Variants in PDE4D observed in about 807,000 individuals in gnomAD.
PDE4D encodes the protein phosphodiesterase 4D.
In PDE4D, 24 loss-of-function variants were observed where a neutral mutation model predicts 87.4. That is an observed-to-expected ratio of 0.27 (90% CI 0.20 to 0.39). The LOEUF (loss-of-function observed/expected upper bound fraction) is 0.39. Ranked by LOEUF, PDE4D falls within the 10% of genes least tolerant of loss-of-function variation. The pLI, the probability that PDE4D is intolerant of heterozygous loss-of-function variation, is 1.00. For missense variants in PDE4D, 714 were observed against 1,041.0 expected, an observed-to-expected ratio of 0.69 and a Z score of 4.32; for synonymous variants, 384 against 383.2, an observed-to-expected ratio of 1.00 and a Z score of -0.02.
At chr5:59,952,783 C>G (rs188607278) in intron 3 of PDE4D, among the ~76,000 whole-genome samples, 2 of 152,308 alleles carry the variant, frequency 1.3e-5, no homozygotes, top group African/African-American at 2.4e-5. Flanking sequence ...ACTGAAGTCT[C>G]TAGCCCACAG....
chr5:59,133,815 C>T (rs997421), intron 5 of PDE4D, among the ~76,000 whole-genome samples: 16,646 of 152,150 alleles, frequency 0.11, 1,299 homozygotes, highest in East Asian at 0.28. Context: ...GACAAAGGCT[C>T]TGTATTCCCC....
At chr5:60,103,662 G>C (rs1456180407) in intron 2 of PDE4D, among the ~76,000 whole-genome samples, 2 of 152,048 alleles carry the variant, frequency 1.3e-5, no homozygotes, top group African/African-American at 4.8e-5. Context: ...AAAACAGATA[G>C]GCATAACAAA....
At chr5:60,121,729 G>A (rs1778702768) in intron 2 of PDE4D, among the ~76,000 whole-genome samples, 1 of 152,024 alleles carries the variant, frequency 6.6e-6, no homozygotes, top group Non-Finnish European at 1.5e-5. Flanking sequence ...ATTCCCCCCT[G>A]GGCCCTCCAA....
intron 1 of PDE4D, among the ~76,000 whole-genome samples, chr5:59,551,471 TCACA>T (rs34301317): frequency 9.4e-5 from 14 of 148,808 alleles, no homozygotes; most frequent in African/African-American, 3.0e-4. Context: ...GCTACTTCAG[TCACA>T]CACACACACA....
intron 1 of PDE4D, among the ~76,000 whole-genome samples, chr5:59,509,381 C>A (rs1809867492): frequency 6.7e-6 from 1 of 148,492 alleles, no homozygotes; most frequent in African/African-American, 2.5e-5. Context: ...ACTAGAGAAA[C>A]TTCTAAAAGA....
chr5:59,818,371 C>A (rs1433892112), intron 1 of PDE4D, among the ~76,000 whole-genome samples: 1 of 152,172 alleles, frequency 6.6e-6, no homozygotes, highest in Non-Finnish European at 1.5e-5. Flanking sequence ...TGCATGGACC[C>A]ATGCCTGAAA....
Position 60,093,128 on chromosome 5 carries a change from C to G in PDE4D, c.42+92429G>C, listed in dbSNP as rs1343546071. The stretch of plus-strand genomic sequence containing the variant: ...TGAGAAGGAGAGGTAGGTATGGAAT[C>G]TTTCTGAAGAAGCCTTGAAGTGATA... On this transcript the variant is annotated intron_variant, in intron 2 of 16. Transcript: ENST00000502484. 2.0e-5 allele frequency among the ~76,000 whole-genome samples: 3 copies of G among 152,212 alleles called. No homozygotes were observed. The East Asian group carries it at 5.8e-4, about 29-fold the overall frequency.
chr5:59,407,440 C>G (rs1408895058), intron 1 of PDE4D, among the ~76,000 whole-genome samples: 2 of 152,180 alleles, frequency 1.3e-5, no homozygotes, highest in African/African-American at 4.8e-5. Flanking sequence ...AATGCCACAA[C>G]AGCCTAATAT....
chr5:59,678,626 T>G (rs1748506691), intron 1 of PDE4D, among the ~76,000 whole-genome samples: 1 of 152,068 alleles, frequency 6.6e-6, no homozygotes, highest in Non-Finnish European at 1.5e-5. Flanking sequence ...CCACAGTGCC[T>G]GGATATTTCT....
chr5:59,980,465 A>C (rs997665306), intron 3 of PDE4D, among the ~76,000 whole-genome samples: 3 of 152,242 alleles, frequency 2.0e-5, no homozygotes, highest in Admixed American at 6.5e-5. Context: ...TTGGCACAAG[A>C]AAGTTTTGAA....
chr5:60,116,697 G>T (rs1187125727), intron 2 of PDE4D, among the ~76,000 whole-genome samples: 2 of 151,898 alleles, frequency 1.3e-5, no homozygotes, highest in African/African-American at 4.8e-5. Flanking sequence ...AGATCTTAAA[G>T]ACATCAGAAA....
intron 2 of PDE4D, chr5:60,032,990 G>A (rs770076944): frequency 1.3e-5 from 2 of 152,086 alleles, no homozygotes; most frequent in Non-Finnish European, 2.9e-5. Context: ...CATGGTTATT[G>A]CCACCAAATA....
chr5:59,751,574 GGTGTGT>G (rs57407769), intron 1 of PDE4D, among the ~76,000 whole-genome samples: 3,114 of 142,712 alleles, frequency 0.022, 55 homozygotes, highest in East Asian at 0.049. Context: ...ATAAATCCCT[GGTGTGT>G]GTGTGTGTGT....
At chr5:60,511,618 T>C (rs1391963686) in intron 1 of PDE4D, among the ~76,000 whole-genome samples, 1 of 151,620 alleles carries the variant, frequency 6.6e-6, no homozygotes. Flanking sequence ...CATTGTAAGG[T>C]AGAAATTATG....
At chr5:59,230,897 T>A (rs1755033135) in intron 1 of PDE4D, among the ~76,000 whole-genome samples, 1 of 152,118 alleles carries the variant, frequency 6.6e-6, no homozygotes, top group African/African-American at 2.4e-5. Context: ...TTTTTCAATC[T>A]TACTGGGCAA....
intron 2 of PDE4D, among the ~76,000 whole-genome samples, chr5:60,007,358 C>T (rs192001208): frequency 3.9e-5 from 6 of 151,946 alleles, no homozygotes; most frequent in South Asian, 2.1e-4. Context: ...ATTTGCATCA[C>T]GTAGGAATGA....
chr5:60,187,068 T>G (rs1217511927), intron 1 of PDE4D, among the ~76,000 whole-genome samples: 1 of 152,104 alleles, frequency 6.6e-6, no homozygotes, highest in African/African-American at 2.4e-5. Flanking sequence ...GGATGCAACT[T>G]GGGGACTCAA....
At chr5:59,221,590 T>A (rs1284976795) in intron 1 of PDE4D, among the ~76,000 whole-genome samples, 1 of 151,964 alleles carries the variant, frequency 6.6e-6, no homozygotes, top group East Asian at 1.9e-4. Flanking sequence ...CATGATTACG[T>A]CACTGCACTC....
chr5:59,497,989 A>G (rs1354056264), intron 1 of PDE4D, among the ~76,000 whole-genome samples: 1 of 152,116 alleles, frequency 6.6e-6, no homozygotes, highest in Non-Finnish European at 1.5e-5. Flanking sequence ...AGCAGAAACC[A>G]TACAAGCCAG....
Sources: allele counts gnomAD v4.1 joint callset (sites outside exome capture counted in the v4.1 genomes callset), GRCh38; gene constraint gnomAD v4.1.1; transcripts MANE v1.5; gene names NCBI Gene and HGNC (gene_info 2026-07-23, HGNC 2026-07-21).